THRB: variants seen among roughly 807,000 people sequenced by gnomAD.
THRB encodes the protein thyroid hormone receptor beta.
In THRB, 12 loss-of-function variants were observed where a neutral mutation model predicts 47.8. That is an observed-to-expected ratio of 0.25 (90% CI 0.16 to 0.41). THRB has a LOEUF of 0.41. Ranked by LOEUF, THRB falls within the 10% of genes least tolerant of loss-of-function variation. The pLI is 1.00. For synonymous variants in THRB, 218 were observed against 212.2 expected, an observed-to-expected ratio of 1.03 and a Z score of -0.24; for missense variants, 348 against 589.2, an observed-to-expected ratio of 0.59 and a Z score of 4.24.
At chr3:24,443,132 A>G (rs1450380084) in intron 1 of THRB, among the ~76,000 whole-genome samples, 1 of 152,130 alleles carries the variant, frequency 6.6e-6, no homozygotes, top group African/African-American at 2.4e-5. Context: ...CAATGAGCCG[A>G]GATCACACCA....
Position 24,442,702 on chromosome 3 carries a change from T to C in THRB, c.-261+51950A>G, listed in dbSNP as rs537913641. 4.6e-5 allele frequency among the ~76,000 whole-genome samples: 7 copies of C among 152,096 alleles called. No individual in the cohort carries two copies. In the South Asian group the frequency reaches 1.5e-3, roughly 32 times the overall value. ...AGCCAGGTGTAGTGGCGCATGCCTG[T>C]AATCCCAGCTACTCGGGAGGCTGAC... On this transcript the variant is annotated intron_variant, in intron 1 of 10. Transcript: ENST00000646209.
At chr3:24,262,260 TC>T (rs1255772315) in intron 3 of THRB, among the ~76,000 whole-genome samples, 32 of 152,280 alleles carry the variant, frequency 2.1e-4, no homozygotes, top group African/African-American at 7.7e-4. Flanking sequence ...ATTACTGTTA[TC>T]ATCTCTCACC....
At chr3:24,365,681 A>G (rs1480218959) in intron 1 of THRB, among the ~76,000 whole-genome samples, 2 of 152,170 alleles carry the variant, frequency 1.3e-5, no homozygotes, top group African/African-American at 4.8e-5. Flanking sequence ...AGAAACCTTA[A>G]TTTTATTTTT....
chr3:24,197,497 G>A (rs2044089840), intron 4 of THRB, among the ~76,000 whole-genome samples: 1 of 152,228 alleles, frequency 6.6e-6, no homozygotes, highest in East Asian at 1.9e-4. Flanking sequence ...TGTCCTCCTT[G>A]TATCATGTAA....
intron 1 of THRB, among the ~76,000 whole-genome samples, chr3:24,485,930 TA>T (rs1432432653): frequency 2.0e-5 from 3 of 152,222 alleles, no homozygotes; most frequent in Admixed American, 6.5e-5. Flanking sequence ...TTATTTCATT[TA>T]ATCTCCACAT....
intron 4 of THRB, among the ~76,000 whole-genome samples, chr3:24,211,895 G>A (rs1340044514): frequency 6.6e-6 from 1 of 152,176 alleles, no homozygotes; most frequent in Non-Finnish European, 1.5e-5. Flanking sequence ...AATGGGCTCT[G>A]AGTAATAAAA....
intron 1 of THRB, among the ~76,000 whole-genome samples, chr3:24,358,754 T>G (rs1287488508): frequency 6.6e-6 from 1 of 152,184 alleles, no homozygotes; most frequent in Non-Finnish European, 1.5e-5. Flanking sequence ...CTGTCAATTC[T>G]CGCATGGTTA....
Position 24,316,750 on chromosome 3 carries a change from C to T in THRB, c.-188-19379G>A, listed in dbSNP as rs370144447. On this transcript the variant is annotated intron_variant, in intron 2 of 10. Coordinates refer to ENST00000646209, the MANE Select transcript of THRB (RefSeq NM_001354712.2). ...ACATACAAGACCCCCGCTCCCAGCC[C>T]CAAGTACCACCTTCCACCAGTCCTA... is the stretch of plus-strand genomic sequence containing the variant. Among the ~76,000 whole-genome samples the T allele has an allele frequency of 3.5e-4, 54 of 152,230 alleles. No individual in the cohort carries two copies. In the South Asian group the frequency reaches 6.2e-3, roughly 18 times the overall value.
chr3:24,153,260 C>T (rs752008155), intron 5 of THRB, among the ~76,000 whole-genome samples: 1 of 152,130 alleles, frequency 6.6e-6, no homozygotes, highest in Admixed American at 6.6e-5. Context: ...AAGAAACAGG[C>T]CTGCAGAGGT....
At chr3:24,273,298 G>T (rs1218663149) in intron 3 of THRB, among the ~76,000 whole-genome samples, 4 of 152,176 alleles carry the variant, frequency 2.6e-5, no homozygotes, top group South Asian at 2.1e-4. Context: ...ACCTTTAAGT[G>T]CTTGGGGTAA....
intron 5 of THRB, among the ~76,000 whole-genome samples, chr3:24,185,991 C>G (rs1013469996): frequency 2.0e-5 from 3 of 152,184 alleles, no homozygotes; most frequent in Non-Finnish European, 4.4e-5. Flanking sequence ...TTGAGATAAG[C>G]TAGGCCCAAA....
intron 4 of THRB, among the ~76,000 whole-genome samples, chr3:24,192,730 C>T (rs1312837501): frequency 1.3e-5 from 2 of 152,088 alleles, no homozygotes; most frequent in Admixed American, 1.3e-4. Flanking sequence ...AGGAAGGCTA[C>T]ACTTGGGGTG....
chr3:24,400,928 A>T (rs554797897), intron 1 of THRB, among the ~76,000 whole-genome samples: 1 of 152,156 alleles, frequency 6.6e-6, no homozygotes, highest in Admixed American at 6.5e-5. Flanking sequence ...ACAAAATATT[A>T]TCTGGCTTGG....
chr3:24,269,440 C>CATATAT (rs1559784335), intron 3 of THRB, among the ~76,000 whole-genome samples: 1 of 135,730 alleles, frequency 7.4e-6, no homozygotes, highest in African/African-American at 2.8e-5. Flanking sequence ...CACACACACA[C>CATATAT]ACTTAAGTTA....
At chr3:24,427,182 C>T (rs1444420616) in intron 1 of THRB, among the ~76,000 whole-genome samples, 1 of 151,952 alleles carries the variant, frequency 6.6e-6, no homozygotes, top group East Asian at 1.9e-4. Context: ...CTTCCCTAAT[C>T]AGAAGGCTGT....
chr3:24,398,890 A>T (rs1281724303), intron 1 of THRB, among the ~76,000 whole-genome samples: 1 of 152,174 alleles, frequency 6.6e-6, no homozygotes, highest in African/African-American at 2.4e-5. Context: ...ATGGAATACT[A>T]TGCAGCCATA....
At chr3:24,372,082 T>C (rs1369020367) in intron 1 of THRB, among the ~76,000 whole-genome samples, 2 of 152,112 alleles carry the variant, frequency 1.3e-5, no homozygotes, top group East Asian at 1.9e-4. Flanking sequence ...ATGACAAATC[T>C]GTGAGACAGA....
rs115064075 is a variant in THRB, at chr3:24,181,018, G to T, written c.283+9056C>A. Among the ~76,000 whole-genome samples the T allele has an allele frequency of 5.1e-3, 778 of 152,280 alleles. 8 individuals are homozygous for T. The highest frequency in any genetic ancestry group is 0.018 in the African/African-American group (739 of 41,564). On this transcript the variant is annotated intron_variant, in intron 5 of 10. Transcript: ENST00000646209. ...TTTTCAGAATGTGAAGAGGGAAGAA[G>T]CCTAGACTTCGTAGAGACTGAAAAT... is the stretch of plus-strand genomic sequence containing the variant.
chr3:24,357,367 A>AAAC (rs1560010845), intron 1 of THRB, among the ~76,000 whole-genome samples: 5 of 146,692 alleles, frequency 3.4e-5, no homozygotes, highest in Non-Finnish European at 4.5e-5. Flanking sequence ...AAAAAAAAAA[A>AAAC]AAAAAAACAA....
Sources: allele counts gnomAD v4.1 joint callset (sites outside exome capture counted in the v4.1 genomes callset), GRCh38; gene constraint gnomAD v4.1.1; transcripts MANE v1.5; gene names NCBI Gene and HGNC (gene_info 2026-07-23, HGNC 2026-07-21).